The following RBPMS variants were observed in gnomAD, a reference collection of about 807,000 sequenced individuals.
RBPMS encodes the protein RNA binding protein, mRNA processing factor, also known as RNA-binding protein with multiple splicing.
Under a neutral mutation model 26.8 loss-of-function variants are expected in RBPMS, and 7 were observed. That is an observed-to-expected ratio of 0.26 (90% confidence interval 0.15 to 0.49). RBPMS has a LOEUF of 0.49. Among genes scored for constraint, RBPMS ranks in the 20% least tolerant of loss-of-function variants. RBPMS has a pLI of 0.98. For missense variants in RBPMS, 186 were observed against 250.0 expected, an observed-to-expected ratio of 0.74 and a Z score of 1.73; for synonymous variants, 96 against 93.3, an observed-to-expected ratio of 1.03 and a Z score of -0.17.
At chr8:30,503,816 A>T (rs1041615670) in intron 4 of RBPMS, among the ~76,000 whole-genome samples, 1 of 152,084 alleles carries the variant, frequency 6.6e-6, no homozygotes, top group Non-Finnish European at 1.5e-5. Flanking sequence ...AATTCATGGT[A>T]TTGGATGCTT....
At chr8:30,419,450 A>ATTGTGTGTGTGTGTGTGTG (rs1554509328) in intron 1 of RBPMS, among the ~76,000 whole-genome samples, 2,665 of 143,242 alleles carry the variant, frequency 0.019, 44 homozygotes, top group Middle Eastern at 0.031. Flanking sequence ...CATCTCAAAA[A>ATTGTGTGTGTGTGTGTGTG]TGTGTGTGTG....
At chr8:30,537,163 G>A (rs1288099380) in intron 5 of RBPMS, among the ~76,000 whole-genome samples, 1 of 152,194 alleles carries the variant, frequency 6.6e-6, no homozygotes, top group Admixed American at 6.5e-5. Flanking sequence ...TCCCACTCAT[G>A]CTCAGGGTTC....
intron 1 of RBPMS, among the ~76,000 whole-genome samples, chr8:30,433,827 C>A (rs896783160): frequency 1.3e-5 from 2 of 152,122 alleles, no homozygotes; most frequent in Non-Finnish European, 2.9e-5. Flanking sequence ...CCTGGAACTT[C>A]CATGTCCTGA....
intron 1 of RBPMS, among the ~76,000 whole-genome samples, chr8:30,434,996 ACATCCATCCATCCATCCATC>A (rs113850134): frequency 3.7e-4 from 56 of 150,504 alleles, no homozygotes; most frequent in African/African-American, 1.1e-3. Context: ...TCCAAAGAAG[ACATCCATCCATCCATCCATC>A]CATCCATCCA....
At chr8:30,456,651 A>T (rs916169964) in intron 1 of RBPMS, among the ~76,000 whole-genome samples, 10 of 152,180 alleles carry the variant, frequency 6.6e-5, no homozygotes, top group Admixed American at 2.6e-4. Context: ...AATAGCTTAG[A>T]TGTGGCCTTG....
chr8:30,474,137 G>C (rs983690259), intron 1 of RBPMS, among the ~76,000 whole-genome samples: 1 of 152,142 alleles, frequency 6.6e-6, no homozygotes, highest in African/African-American at 2.4e-5. Context: ...AATAGTCAGT[G>C]AGGTTGGCCC....
chr8:30,474,454 C>T (rs1817475373), intron 1 of RBPMS, among the ~76,000 whole-genome samples: 1 of 152,058 alleles, frequency 6.6e-6, no homozygotes, highest in Non-Finnish European at 1.5e-5. Flanking sequence ...TGTGCAATGG[C>T]TAGTTGGGAA....
At chr8:30,452,744 T>C (rs1814736213) in intron 1 of RBPMS, among the ~76,000 whole-genome samples, 1 of 152,208 alleles carries the variant, frequency 6.6e-6, no homozygotes, top group African/African-American at 2.4e-5. Context: ...CCAGGACAAT[T>C]AGCTTTAGCT....
At chr8:30,386,856 C>A (rs1807162308) in intron 1 of RBPMS, among the ~76,000 whole-genome samples, 1 of 149,856 alleles carries the variant, frequency 6.7e-6, no homozygotes, top group Admixed American at 6.7e-5. Flanking sequence ...GTTGAGAAAA[C>A]TTTTTTTTTT....
chr8:30,555,850 AAG>A, intron 6 of RBPMS: 1 of 984,254 alleles, frequency 1.0e-6, no homozygotes, highest in Non-Finnish European at 1.2e-6. Flanking sequence ...GAATGGGGCT[AAG>A]AGAGAACCCT....
intron 1 of RBPMS, among the ~76,000 whole-genome samples, chr8:30,390,742 T>A (rs1421414609): frequency 6.6e-6 from 1 of 152,238 alleles, no homozygotes; most frequent in Non-Finnish European, 1.5e-5. Context: ...CTGGTTATTA[T>A]TTTTTTCAGC....
intron 2 of RBPMS, among the ~76,000 whole-genome samples, chr8:30,475,120 G>GT (rs1282112858): frequency 6.6e-6 from 1 of 152,142 alleles, no homozygotes; most frequent in Non-Finnish European, 1.5e-5. Context: ...TGTTGATACT[G>GT]TTCTTTGGAA....
chr8:30,476,995 T>C (rs16877073), intron 2 of RBPMS, among the ~76,000 whole-genome samples: 36,174 of 152,066 alleles, frequency 0.24, 4,772 homozygotes, highest in East Asian at 0.43. Flanking sequence ...CTCAACAAAA[T>C]TCAACATCAT....
intron 5 of RBPMS, among the ~76,000 whole-genome samples, chr8:30,512,977 A>G (rs1821879769): frequency 6.6e-6 from 1 of 152,024 alleles, no homozygotes; most frequent in Non-Finnish European, 1.5e-5. Context: ...TTGGAGGTAC[A>G]CTTAGAAAGG....
intron 5 of RBPMS, among the ~76,000 whole-genome samples, chr8:30,516,789 G>A (rs1376086374): frequency 5.3e-5 from 8 of 151,978 alleles, no homozygotes; most frequent in Admixed American, 2.0e-4. Flanking sequence ...AGCTACTCAG[G>A]AGGCTAAAGC....
intron 6 of RBPMS, among the ~76,000 whole-genome samples, chr8:30,548,860 C>T (rs1277103484): frequency 6.6e-6 from 1 of 152,220 alleles, no homozygotes; most frequent in Admixed American, 6.5e-5. Context: ...TAAGCATCTG[C>T]ATCACTATGC....
Position 30,479,365 on chromosome 8 carries a change from G to A in RBPMS, c.234G>A (p.Lys78=). ...FDSRSEAEAA[K]NALNGIRFDP... The stretch of plus-strand genomic sequence containing the variant: ...GTCGCTCAGAAGCAGAGGCTGCAAA[G>A]AATGCTTTGAATGTAAGTACTAATG... The change falls in exon 4 of 9, where the codon AAG becomes AAA. Residue 78 remains lysine (K), a synonymous_variant. Transcript: ENST00000397323. 1 of 1,601,570 alleles carries A rather than the reference G, an allele frequency of 6.2e-7. No homozygotes were observed. The highest frequency in any genetic ancestry group is 8.5e-7 in the Non-Finnish European group (1 of 1,174,476).
chr8:30,525,351 TGACCC>T (rs1406689024), intron 5 of RBPMS, among the ~76,000 whole-genome samples: 1 of 152,236 alleles, frequency 6.6e-6, no homozygotes, highest in African/African-American at 2.4e-5. Flanking sequence ...TTTTTCCACT[TGACCC>T]TTCTCCTTCC....
intron 5 of RBPMS, among the ~76,000 whole-genome samples, chr8:30,523,349 CCTGGGCAAGAGAGTGAAA>C (rs1261785028): frequency 2.0e-5 from 3 of 150,696 alleles, no homozygotes; most frequent in East Asian, 3.9e-4. Context: ...TGCATTCCAG[CCTGGGCAAGAGAGTGAAA>C]CTGTGTCTCA....
Sources: allele counts gnomAD v4.1 joint callset (sites outside exome capture counted in the v4.1 genomes callset), GRCh38; gene constraint gnomAD v4.1.1; transcripts MANE v1.5; gene names NCBI Gene and HGNC (gene_info 2026-07-23, HGNC 2026-07-21).